Variants in PPFIA2 observed in about 807,000 individuals in gnomAD.
PPFIA2 encodes liprin-alpha-2.
PPFIA2 carries 46 observed loss-of-function variants against 175.5 expected under a neutral mutation model. The observed-to-expected ratio is 0.26, with a 90% confidence interval of 0.21 to 0.34. The LOEUF (loss-of-function observed/expected upper bound fraction) is 0.34, where lower values mean the gene tolerates loss of function less well. PPFIA2 is among the 10% of genes least tolerant of loss of function. PPFIA2 has a pLI of 1.00. For synonymous variants in PPFIA2, 568 were observed against 511.4 expected, an observed-to-expected ratio of 1.11 and a Z score of -1.49; for missense variants, 1,179 against 1,506.1, an observed-to-expected ratio of 0.78 and a Z score of 3.60.
intron 22 of PPFIA2, among the ~76,000 whole-genome samples, chr12:81,307,623 G>T (rs2049603139): frequency 1.8e-5 from 2 of 113,820 alleles, no homozygotes; most frequent in South Asian, 5.6e-4. Context: ...ATGGTGATGG[G>T]CTCCTAGAAT....
intron 23 of PPFIA2, among the ~76,000 whole-genome samples, chr12:81,298,684 C>T (rs1419841691): frequency 6.6e-6 from 1 of 152,188 alleles, no homozygotes; most frequent in Non-Finnish European, 1.5e-5. Flanking sequence ...GTTTCTGCTG[C>T]CTCCTACACT....
intron 3 of PPFIA2, among the ~76,000 whole-genome samples, chr12:81,706,807 T>C (rs1029907045): frequency 6.6e-6 from 1 of 152,214 alleles, no homozygotes; most frequent in African/African-American, 2.4e-5. Context: ...AGCATGGTAC[T>C]GGTACCAAAA....
At chr12:81,265,645 C>A (rs2037027978) in intron 30 of PPFIA2, among the ~76,000 whole-genome samples, 1 of 152,038 alleles carries the variant, frequency 6.6e-6, no homozygotes, top group South Asian at 2.1e-4. Context: ...TGACAAAATT[C>A]TATTTTGTGC....
At chr12:81,297,072 G>A (rs1462022897) in intron 23 of PPFIA2, among the ~76,000 whole-genome samples, 1 of 152,136 alleles carries the variant, frequency 6.6e-6, no homozygotes, top group Non-Finnish European at 1.5e-5. Context: ...GAGCCCTGTG[G>A]AGAGTCCCAT....
chr12:81,749,203 T>C (rs1482457584), intron 3 of PPFIA2, among the ~76,000 whole-genome samples: 1 of 144,414 alleles, frequency 6.9e-6, no homozygotes, highest in Non-Finnish European at 1.6e-5. Flanking sequence ...ACCTCTTTAA[T>C]ATCACTTTCC....
chr12:81,644,930 A>G (rs1361764517), intron 4 of PPFIA2, among the ~76,000 whole-genome samples: 1 of 57,370 alleles, frequency 1.7e-5, no homozygotes, highest in Non-Finnish European at 3.5e-5. Flanking sequence ...AAGAATTTAG[A>G]GGTTTTAAAA....
rs571984719 is a variant in PPFIA2 at position 81,728,708 on chromosome 12, C to T, written c.249+25265G>A. ...GAACCAAGAAAAAATATTGAACAAA[C>T]GCAGAAGACAGATTTCCTTGCCATT... On this transcript the variant is annotated intron_variant, in intron 3 of 32. Transcript: ENST00000549396. Among the ~76,000 whole-genome samples, 100 of 151,292 alleles carry T rather than the reference C, an allele frequency of 6.6e-4. 1 individual carries two copies. Among genetic ancestry groups the T allele is most frequent in the South Asian group, 2.7e-3 (13 of 4,810 alleles).
At chr12:81,262,559 G>A (rs1011357976) in intron 31 of PPFIA2, among the ~76,000 whole-genome samples, 1 of 152,238 alleles carries the variant, frequency 6.6e-6, no homozygotes, top group East Asian at 1.9e-4. Context: ...TTAACAAATA[G>A]CATGGGACTA....
At chr12:81,639,546 A>AT (rs2064655110) in intron 4 of PPFIA2, among the ~76,000 whole-genome samples, 1 of 151,988 alleles carries the variant, frequency 6.6e-6, no homozygotes, top group South Asian at 2.1e-4. Flanking sequence ...TCGGTAAAAA[A>AT]AATATATATA....
intron 3 of PPFIA2, among the ~76,000 whole-genome samples, chr12:81,721,443 A>T (rs1465816002): frequency 2.7e-5 from 4 of 147,360 alleles, no homozygotes; most frequent in Admixed American, 2.1e-4. Flanking sequence ...CCTAATACAC[A>T]CACACATAAA....
chr12:81,444,946 C>T (rs994571887), intron 6 of PPFIA2, among the ~76,000 whole-genome samples: 19 of 151,976 alleles, frequency 1.3e-4, no homozygotes, highest in Non-Finnish European at 2.6e-4. Context: ...GTCAGTAGAA[C>T]TTATTCGAGT....
chr12:81,662,852 C>A (rs1054207516), intron 4 of PPFIA2, among the ~76,000 whole-genome samples: 7 of 152,172 alleles, frequency 4.6e-5, no homozygotes, highest in African/African-American at 1.7e-4. Context: ...AGCTTATCCA[C>A]CATGATCAAG....
intron 18 of PPFIA2, among the ~76,000 whole-genome samples, chr12:81,346,454 G>C (rs1328421324): frequency 1.3e-5 from 2 of 149,294 alleles, no homozygotes; most frequent in Non-Finnish European, 3.0e-5. Context: ...TTTTCCAGAG[G>C]TTTTATTATA....
At chr12:81,618,240 A>G (rs1377030690) in intron 4 of PPFIA2, among the ~76,000 whole-genome samples, 1 of 137,910 alleles carries the variant, frequency 7.3e-6, no homozygotes, top group Non-Finnish European at 1.5e-5. Context: ...TTGCATTTTT[A>G]CTATGTGTAA....
At chr12:81,552,578 TTA>T (rs1444565656) in intron 4 of PPFIA2, among the ~76,000 whole-genome samples, 14 of 147,762 alleles carry the variant, frequency 9.5e-5, no homozygotes, top group African/African-American at 3.2e-4. Context: ...TAAAAACTTA[TTA>T]TATGTTTGAA....
intron 4 of PPFIA2, among the ~76,000 whole-genome samples, chr12:81,496,114 G>T (rs1277015285): frequency 2.6e-5 from 4 of 152,098 alleles, no homozygotes; most frequent in Non-Finnish European, 4.4e-5. Flanking sequence ...CACAATAAAA[G>T]AATTTGGGAT....
At chr12:81,600,994 T>C (rs1234090326) in intron 4 of PPFIA2, among the ~76,000 whole-genome samples, 2 of 151,964 alleles carry the variant, frequency 1.3e-5, no homozygotes, top group African/African-American at 4.8e-5. Context: ...ATATCACATA[T>C]TCTTAATATA....
rs957437935 is a variant in PPFIA2 at position 81,503,597 on chromosome 12, A to G, written c.304-45731T>C. On this transcript the variant is annotated intron_variant, in intron 4 of 32. Transcript: ENST00000549396. ...TTCCATGAGGAAATAAAAGAAAAAA[A>G]AAACTTTTTAGTCATTTATGTAAAT... Among the ~76,000 whole-genome samples the G allele has an allele frequency of 6.6e-5, 10 of 152,230 alleles. No homozygotes were observed. In the East Asian group the frequency reaches 9.6e-4, roughly 15 times the overall value.
At chr12:81,393,368 TG>T (rs994255583) in intron 8 of PPFIA2, among the ~76,000 whole-genome samples, 3 of 152,104 alleles carry the variant, frequency 2.0e-5, no homozygotes, top group African/African-American at 7.2e-5. Context: ...TTGCTATTGT[TG>T]TTCATCTATA....
Sources: allele counts gnomAD v4.1 joint callset (sites outside exome capture counted in the v4.1 genomes callset), GRCh38; gene constraint gnomAD v4.1.1; transcripts MANE v1.5; gene names NCBI Gene and HGNC (gene_info 2026-07-23, HGNC 2026-07-21).